Variants in DOCK2 observed in about 807,000 individuals in gnomAD.
DOCK2 encodes dedicator of cytokinesis 2, also known as dedicator of cytokinesis protein 2.
In DOCK2, 87 loss-of-function variants were observed where a neutral mutation model predicts 248.9. The ratio of observed to expected loss-of-function variants is 0.35; its 90% CI spans 0.29 to 0.42. The LOEUF (loss-of-function observed/expected upper bound fraction) is 0.42, where lower values mean the gene tolerates loss of function less well. Among genes scored for constraint, DOCK2 ranks in the 10% least tolerant of loss-of-function variants. The pLI is 1.00. For synonymous variants in DOCK2, 805 were observed against 821.6 expected (o/e 0.98, Z 0.35); for missense variants, 1,747 against 2,300.2 (o/e 0.76, Z 4.92).
chr5:169,744,471 C>T (rs2113678334), intron 22 of DOCK2, among the ~76,000 whole-genome samples: 1 of 152,300 alleles, frequency 6.6e-6, no homozygotes, highest in East Asian at 1.9e-4. Flanking sequence ...TGGTTTCAAA[C>T]TCAGGGGAGC....
chr5:169,843,699 G>A (rs901275816), intron 27 of DOCK2, among the ~76,000 whole-genome samples: 4 of 152,102 alleles, frequency 2.6e-5, no homozygotes, highest in African/African-American at 9.7e-5. Flanking sequence ...TCCATTTGCA[G>A]TCACTTTCTT....
At chr5:170,031,555 C>A (rs537879327) in intron 34 of DOCK2, among the ~76,000 whole-genome samples, 40 of 152,328 alleles carry the variant, frequency 2.6e-4, no homozygotes, top group African/African-American at 9.1e-4. Flanking sequence ...AACAATTAAA[C>A]AGGCTTAGCA....
intron 33 of DOCK2, among the ~76,000 whole-genome samples, chr5:170,021,938 A>G (rs1755743069): frequency 6.6e-6 from 1 of 152,164 alleles, no homozygotes; most frequent in South Asian, 2.1e-4. Context: ...AAGTGGCATT[A>G]GTACATGATG....
At chr5:169,946,790 G>A (rs185835013) in intron 27 of DOCK2, among the ~76,000 whole-genome samples, 8 of 152,338 alleles carry the variant, frequency 5.3e-5, no homozygotes, top group African/African-American at 1.4e-4. Context: ...TGAGAGTGAC[G>A]TGGGGCTGAG....
chr5:169,967,813 C>T, intron 27 of DOCK2, among the ~76,000 whole-genome samples: 1 of 151,850 alleles, frequency 6.6e-6, no homozygotes, highest in Admixed American at 6.6e-5. Context: ...AAACTCAAGA[C>T]AAATTTCTTT....
intron 27 of DOCK2, among the ~76,000 whole-genome samples, chr5:169,937,137 C>T (rs749178833): frequency 1.5e-4 from 23 of 152,148 alleles, no homozygotes; most frequent in Admixed American, 3.9e-4. Flanking sequence ...AGTTTTACTG[C>T]GGCACAGATA....
chr5:169,724,863 A>G (rs527513415), intron 22 of DOCK2, among the ~76,000 whole-genome samples: 1 of 151,722 alleles, frequency 6.6e-6, no homozygotes, highest in South Asian at 2.1e-4. Context: ...AATATTGCAT[A>G]GTAGTTTACC....
intron 1 of DOCK2, among the ~76,000 whole-genome samples, chr5:169,638,177 A>G (rs865791373): frequency 3.9e-5 from 6 of 152,202 alleles, no homozygotes; most frequent in African/African-American, 1.2e-4. Context: ...GGCGGATACC[A>G]GACACCATCT....
intron 15 of DOCK2, among the ~76,000 whole-genome samples, chr5:169,711,562 A>G (rs1761586269): frequency 6.6e-6 from 1 of 152,248 alleles, no homozygotes; most frequent in Non-Finnish European, 1.5e-5. Context: ...CCCTGCTGCA[A>G]TTGCCAGAAC....
chr5:169,641,452 G>A (rs180947937), intron 1 of DOCK2, among the ~76,000 whole-genome samples: 17 of 152,336 alleles, frequency 1.1e-4, no homozygotes, highest in East Asian at 3.9e-4. Flanking sequence ...CAGATTTGGC[G>A]TGGGCAATGT....
chr5:169,840,808 GT>G lies in DOCK2; in HGVS notation c.2756del (p.Val919GlyfsTer14). 6.2e-7 allele frequency: 1 copy of G among 1,614,000 alleles called. No individual in the cohort carries two copies. The highest frequency in any genetic ancestry group is 8.5e-7 in the Non-Finnish European group (1 of 1,179,922). The part of the protein sequence containing the change: ...QEIMVQLLRT[V>X]NRTVITMGRD... ...GATCATGGTCCAGCTGCTGCGGACA[GT>G]GAACCGGACAGTCATCACCATGGGC... is the stretch of plus-strand genomic sequence containing the variant. On this transcript the variant is annotated frameshift_variant, in exon 27 of 52. Transcript: ENST00000520908. LOFTEE classifies it high-confidence loss of function.
chr5:169,847,392 C>G (rs1770377782), intron 27 of DOCK2, among the ~76,000 whole-genome samples: 1 of 152,106 alleles, frequency 6.6e-6, no homozygotes, highest in Admixed American at 6.5e-5. Flanking sequence ...GCCATTCTTG[C>G]AGGAGTAAGG....
At chr5:169,708,407 A>G in intron 15 of DOCK2, 140 bp downstream of exon 15, 4 of 893,960 alleles carry the variant, frequency 4.5e-6, no homozygotes, top group Non-Finnish European at 6.8e-6. Context: ...TTCATTTTAT[A>G]GTTGAGGAAA....
At chr5:169,702,697 G>GTATTTATT (rs33967344) in intron 14 of DOCK2, 60 of 205,776 alleles carry the variant, frequency 2.9e-4, no homozygotes, top group East Asian at 8.0e-4. Context: ...ATGTATGTAT[G>GTATTTATT]TATTTATTTA....
At chr5:169,829,124 T>A (rs1769063788) in intron 26 of DOCK2, among the ~76,000 whole-genome samples, 1 of 151,786 alleles carries the variant, frequency 6.6e-6, no homozygotes, top group Non-Finnish European at 1.5e-5. Context: ...AGGAAAGTCA[T>A]GTGAGGAGGG....
chr5:169,992,091 C>T (rs901126660), intron 29 of DOCK2, among the ~76,000 whole-genome samples: 6 of 152,148 alleles, frequency 3.9e-5, no homozygotes, highest in African/African-American at 1.4e-4. Flanking sequence ...TTCTGCAGGC[C>T]GTGTAACTTC....
intron 34 of DOCK2, among the ~76,000 whole-genome samples, chr5:170,031,863 G>T (rs1318878838): frequency 4.6e-5 from 7 of 152,258 alleles, no homozygotes; most frequent in South Asian, 2.1e-4. Flanking sequence ...GTTTCTCCAA[G>T]TGTGGTCCAT....
At chr5:170,020,256 T>C (rs17071957) in intron 33 of DOCK2, among the ~76,000 whole-genome samples, 26,388 of 152,118 alleles carry the variant, frequency 0.17, 3,093 homozygotes, top group African/African-American at 0.31. Context: ...GCTACTTCTC[T>C]GCACAGTCAC....
intron 27 of DOCK2, among the ~76,000 whole-genome samples, chr5:169,955,207 A>G (rs2113733268): frequency 6.6e-6 from 1 of 152,342 alleles, no homozygotes; most frequent in South Asian, 2.1e-4. Flanking sequence ...GTTAGGGTTC[A>G]GAGTGGTCCT....
Sources: gnomAD v4.1 joint callset for allele counts (sites outside exome capture counted in the v4.1 genomes callset) on GRCh38, gnomAD v4.1.1 for gene constraint, MANE v1.5 for transcripts, NCBI Gene and HGNC (gene_info 2026-07-23, HGNC 2026-07-21) for gene names.